ZNF491: variants seen among roughly 807,000 people sequenced by gnomAD.
ZNF491 encodes the protein zinc finger protein 491.
ZNF491 carries 22 observed loss-of-function variants against 34.7 expected under a neutral mutation model. The observed-to-expected ratio is 0.63, with a 90% CI of 0.45 to 0.90. The LOEUF is 0.90. Among genes scored for constraint, ZNF491 ranks in the 40% least tolerant of loss-of-function variants. The pLI is 0.00. For synonymous variants in ZNF491, 148 were observed against 174.3 expected (o/e 0.85, Z 1.19); for missense variants, 559 against 531.7 (o/e 1.05, Z -0.51).
At chr19:11,799,452 A>G (rs1975534308) in intron 1 of ZNF491, among the ~76,000 whole-genome samples, 1 of 151,386 alleles carries the variant, frequency 6.6e-6, no homozygotes, top group Admixed American at 6.6e-5. Context: ...TGTGAGGCAC[A>G]ACAATTTAAT....
rs1975529079 is a variant in ZNF491, at chr19:11,798,893, G to A, written c.-134+166G>A. ...CTCGGTCCGCTCGGCCGCCAGGTGGGGCTGGGCCCGCAGCTGGGACCCCGG... is the reference window on the plus strand; with the variant it reads ...CTCGGTCCGCTCGGCCGCCAGGTGGAGCTGGGCCCGCAGCTGGGACCCCGG... On this transcript the variant is annotated intron_variant, in intron 1 of 2. Transcript: ENST00000323169. The surrounding 1 kb of genome is among the most constrained non-coding windows in gnomAD (Gnocchi z 4.0). Among the ~76,000 whole-genome samples, 2 of 152,318 alleles carry A rather than the reference G, an allele frequency of 1.3e-5. No homozygotes were observed. Among genetic ancestry groups the A allele is most frequent in the Admixed American group, 6.5e-5 (1 of 15,304 alleles).
In ZNF491 at chr19:11,800,163, TTTCTC is replaced by T. The variant is rs138320778; in HGVS notation, c.-134+1438_-134+1442del. 9.2e-3 allele frequency among the ~76,000 whole-genome samples: 1,405 copies of T among 152,092 alleles called. 25 individuals are homozygous for T. Among genetic ancestry groups the T allele is most frequent in the African/African-American group, 0.032 (1,326 of 41,464 alleles). Reference sequence around the variant, plus strand: ...GATTGGATATCAGGTTTGGGGGAATTTTCTCTAAACTCCCTTAGAAGGGTTTTTGC... The same window carrying T: ...GATTGGATATCAGGTTTGGGGGAATTTAAACTCCCTTAGAAGGGTTTTTGC... On this transcript the variant is annotated intron_variant, in intron 1 of 2. Transcript: ENST00000323169.
chr19:11,806,580 C>T lies in ZNF491; in HGVS notation c.627C>T (p.His209=). 6.2e-7 allele frequency: 1 copy of T among 1,614,126 alleles called. No individual in the cohort carries two copies. Among genetic ancestry groups the T allele is most frequent in the Non-Finnish European group, 8.5e-7 (1 of 1,180,038 alleles). ...CCTTTCGCAGACATGAAAGGACACA[C>T]ACAGGAGAGAAGCCGTACAAATGTA... The part of the protein sequence containing the change: ...SSSFRRHERT[H]TGEKPYKCKE... Residue 209 remains histidine, a synonymous_variant, in exon 3 of 3, where the codon CAC becomes CAT. Transcript: ENST00000323169.
chr19:11,803,332 G>A, intron 1 of ZNF491, among the ~76,000 whole-genome samples: 1 of 152,126 alleles, frequency 6.6e-6, no homozygotes, highest in East Asian at 1.9e-4. Context: ...AACTTGCAAA[G>A]ATAATCTACA....
chr19:11,807,181 C>A lies in ZNF491; in HGVS notation c.1228C>A (p.Pro410Thr), dbSNP rs749491424. ...TGAAAGAATTCACACTGGAGAGAAA[C>A]CTTACCAATGTAAGGAATGTGGGAA... is the stretch of plus-strand genomic sequence containing the variant. ...IHERIHTGEK[P>T]YQCKECGKAF... Residue 410 changes from proline (P) to threonine (T), a missense_variant, in exon 3 of 3, where the codon CCT (proline) becomes ACT (threonine). Pro to Thr is a conservative substitution (Grantham distance 38, BLOSUM62 -1). Transcript: ENST00000323169. The A allele has an allele frequency of 2.5e-6, 4 of 1,602,722 alleles. No homozygotes were observed. The highest frequency in any genetic ancestry group is 1.7e-5 in the Admixed American group (1 of 57,250).
At chr19:11,805,861 A>G in intron 2 of ZNF491, 86 bp from the exon 3 acceptor site, 1 of 1,184,410 alleles carries the variant, frequency 8.4e-7, no homozygotes, top group Non-Finnish European at 1.2e-6. Flanking sequence ...AAACAAAAAC[A>G]TTAAAAATGC....
At position 11,806,075 on chromosome 19, in the gene ZNF491, C is replaced by T. The variant is rs61736266; in HGVS notation, c.122C>T (p.Thr41Ile). ...LPGVKSCESG[T>I]CGEIFMGYSS... ...GGAGTAAAATCATGTGAAAGTGGTA[C>T]ATGTGGAGAAATCTTCATGGGATAT... Residue 41 changes from threonine (T) to isoleucine (I), a missense_variant, in exon 3 of 3, where the codon ACA (threonine) becomes ATA (isoleucine). Physicochemically the swap from Thr to Ile is moderately conservative, Grantham distance 89. Coordinates refer to ENST00000323169, the MANE Select transcript of ZNF491 (RefSeq NM_152356.4). 0.017 allele frequency: 27,046 copies of T among 1,613,858 alleles called. 291 individuals are homozygous for T. The highest frequency in any genetic ancestry group is 0.019 in the Non-Finnish European group (22,664 of 1,180,006).
At position 11,798,664 on chromosome 19, in the gene ZNF491, C is replaced by T. The variant is rs1425783507; in HGVS notation, c.-197C>T. The stretch of plus-strand genomic sequence containing the variant: ...CGCCACGGCTCCTGTGACGCTGTCA[C>T]CTGCGCTGTGACCTGCTCCGGAGTC... On this transcript the variant is annotated 5_prime_UTR_variant, in exon 1 of 3. Transcript: ENST00000323169. The surrounding 1 kb of genome is among the most constrained non-coding windows in gnomAD (Gnocchi z 4.0). 1.3e-5 allele frequency: 2 copies of T among 152,612 alleles called. No individual in the cohort carries two copies. The highest frequency in any genetic ancestry group is 2.1e-4 in the South Asian group (1 of 4,836). The allele number at this position is 152,612 out of a possible 1,614,324, so 9.5% of individuals were successfully genotyped here.
rs754296640 is a variant in ZNF491, at chr19:11,807,260, A to G, written c.1307A>G (p.Asn436Ser). 6.5e-7 allele frequency: 1 copy of G among 1,526,780 alleles called. No individual in the cohort carries two copies. The highest frequency in any genetic ancestry group is 8.8e-7 in the Non-Finnish European group (1 of 1,141,426). 94.6% of individuals were successfully genotyped at this position (1,526,780 alleles called of 1,614,324 possible). The change falls in exon 3 of 3, where the codon AAT becomes AGT. Residue 436 changes from asparagine to serine, a missense_variant. Coordinates refer to ENST00000323169, the MANE Select transcript of ZNF491 (RefSeq NM_152356.4). ...AAACATGAAAGAACTCACACTATTA[A>G]TATATGAGAGAAATGCTATTTTTTA... is the stretch of plus-strand genomic sequence containing the variant. Reference protein sequence around the residue: ...CRKHERTHTINI With the variant: ...CRKHERTHTISI
chr19:11,799,599 G>C (rs769754379), intron 1 of ZNF491, among the ~76,000 whole-genome samples: 2 of 150,708 alleles, frequency 1.3e-5, no homozygotes, highest in Non-Finnish European at 2.9e-5. Flanking sequence ...TGCCAGCGTG[G>C]ACAACATGGC....
intron 2 of ZNF491, among the ~76,000 whole-genome samples, chr19:11,805,227 T>C (rs1054589597): frequency 6.6e-6 from 1 of 151,370 alleles, no homozygotes; most frequent in Non-Finnish European, 1.5e-5. Context: ...CTGACCAACA[T>C]GGACAAACCC....
In ZNF491 at chr19:11,806,122, A is replaced by G; in HGVS notation, c.169A>G (p.Arg57Gly). Residue 57 changes from arginine (R) to glycine (G), a missense_variant, in exon 3 of 3, where the codon AGA (arginine) becomes GGA (glycine). Coordinates refer to ENST00000323169, the MANE Select transcript of ZNF491 (RefSeq NM_152356.4). ...ATATTCATCCTTTAATAGGAACATC[A>G]GAACTGACACTGGACACCAACCACA... The part of the protein sequence containing the change: ...MGYSSFNRNI[R>G]TDTGHQPHKC... The G allele has an allele frequency of 1.9e-6, 3 of 1,613,946 alleles. No individual in the cohort carries two copies. Among genetic ancestry groups the G allele is most frequent in the Non-Finnish European group, 1.7e-6 (2 of 1,180,018 alleles).
chr19:11,801,765 A>G (rs1975561829), intron 1 of ZNF491, among the ~76,000 whole-genome samples: 1 of 152,186 alleles, frequency 6.6e-6, no homozygotes, highest in African/African-American at 2.4e-5. Context: ...CTTCTCTAAG[A>G]TGAGTCATAC....
chr19:11,803,488 C>T (rs1362007129), intron 1 of ZNF491, among the ~76,000 whole-genome samples: 1 of 152,138 alleles, frequency 6.6e-6, no homozygotes, highest in Non-Finnish European at 1.5e-5. Flanking sequence ...TATCCTTTTT[C>T]TATTCCAGGA....
rs572312632 is a variant in ZNF491, at chr19:11,803,645, G to A, written c.-133-897G>A. Among the ~76,000 whole-genome samples, 8 of 152,220 alleles carry A rather than the reference G, an allele frequency of 5.3e-5. 1 individual carries two copies. In the South Asian group the frequency reaches 1.7e-3, roughly 32 times the overall value. ...TATTCCATAGAATGTTCCTCAATTT[G>A]GAATTTTTCTCATGATTAGACTGGA... On this transcript the variant is annotated intron_variant, in intron 1 of 2. Coordinates refer to ENST00000323169, the MANE Select transcript of ZNF491 (RefSeq NM_152356.4).
chr19:11,800,686 G>C (rs763663179), intron 1 of ZNF491, among the ~76,000 whole-genome samples: 5 of 151,952 alleles, frequency 3.3e-5, no homozygotes, highest in Non-Finnish European at 5.9e-5. Flanking sequence ...ATGCCCGGCA[G>C]ATTTTTGTAT....
intron 1 of ZNF491, among the ~76,000 whole-genome samples, chr19:11,802,484 C>G (rs1278338181): frequency 6.6e-6 from 1 of 152,176 alleles, no homozygotes; most frequent in Non-Finnish European, 1.5e-5. Flanking sequence ...TTCCCTTGCA[C>G]AAAAGTTCTT....
At chr19:11,800,013 A>G (rs1452431598) in intron 1 of ZNF491, among the ~76,000 whole-genome samples, 1 of 152,018 alleles carries the variant, frequency 6.6e-6, no homozygotes, top group Non-Finnish European at 1.5e-5. Flanking sequence ...TGAGCCCAGG[A>G]GGTGAAGGCT....
rs141844648 is a variant in ZNF491 at position 11,806,766 on chromosome 19, T to C, written c.813T>C (p.His271=). 1.2e-6 allele frequency: 2 copies of C among 1,613,236 alleles called. No individual in the cohort carries two copies. Among genetic ancestry groups the C allele is most frequent in the African/African-American group, 2.7e-5 (2 of 74,922 alleles). ...HMRMHTGERP[H]KCKICGKAFY... is the part of the protein sequence containing the mutation. ...GAATGCACACTGGAGAGAGGCCTCA[T>C]AAATGTAAGATATGTGGGAAAGCCT... is the stretch of plus-strand genomic sequence containing the variant. The change falls in exon 3 of 3, where the codon CAT becomes CAC. Residue 271 remains histidine, a synonymous_variant. Coordinates refer to ENST00000323169, the MANE Select transcript of ZNF491 (RefSeq NM_152356.4).
Sources: gnomAD v4.1 joint callset for allele counts (sites outside exome capture counted in the v4.1 genomes callset) on GRCh38, gnomAD v4.1.1 for gene constraint, Gnocchi (gnomAD v3.1) non-coding constraint, MANE v1.5 for transcripts, NCBI Gene and HGNC (gene_info 2026-07-23, HGNC 2026-07-21) for gene names.